DMGDH: variants seen among roughly 807,000 people sequenced by gnomAD.
DMGDH encodes dimethylglycine dehydrogenase, mitochondrial.
A neutral mutation model predicts 95.2 loss-of-function variants in DMGDH; 76 were observed. The observed-to-expected ratio is 0.80, with a 90% CI of 0.66 to 0.97. The LOEUF is 0.97. Ranked by LOEUF, DMGDH falls within the 50% of genes least tolerant of loss-of-function variation. The pLI is 0.00. For synonymous variants in DMGDH, 345 were observed against 377.6 expected, an observed-to-expected ratio of 0.91 and a Z score of 1.00; for missense variants, 987 against 1,055.0, an observed-to-expected ratio of 0.94 and a Z score of 0.89.
At chr5:79,064,521 A>T (rs1755313464) in intron 1 of DMGDH, among the ~76,000 whole-genome samples, 1 of 152,190 alleles carries the variant, frequency 6.6e-6, no homozygotes, top group South Asian at 2.1e-4. Flanking sequence ...TCAACACTGT[A>T]CATTTAGGCT....
intron 1 of DMGDH, among the ~76,000 whole-genome samples, chr5:79,066,829 T>C (rs1053581628): frequency 2.6e-5 from 4 of 152,196 alleles, no homozygotes; most frequent in African/African-American, 9.7e-5. Context: ...AAAGCTACCA[T>C]TTTTTCCTTT....
At chr5:79,063,049 G>A (rs190413624) in intron 2 of DMGDH, among the ~76,000 whole-genome samples, 49 of 151,988 alleles carry the variant, frequency 3.2e-4, no homozygotes, top group African/African-American at 1.1e-3. Flanking sequence ...CCGAGATCGC[G>A]CCATTGCACT....
In DMGDH at chr5:78,997,911, T is replaced by G; in HGVS notation, c.*171A>C. 1 of 670,860 alleles carries G rather than the reference T, an allele frequency of 1.5e-6. No individual in the cohort carries two copies. The highest frequency in any genetic ancestry group is 2.5e-6 in the Non-Finnish European group (1 of 393,430). The allele number at this position is 670,860 out of a possible 1,614,324, so 41.6% of individuals were successfully genotyped here. On this transcript the variant is annotated 3_prime_UTR_variant, in exon 16 of 16. Coordinates refer to ENST00000255189, the MANE Select transcript of DMGDH (RefSeq NM_013391.3). ...AATGTAAATCATTTATCTATTATTC[T>G]GTCTTGCTTAGAAAACACTTAACAG...
intron 7 of DMGDH, among the ~76,000 whole-genome samples, chr5:79,036,681 G>A (rs1238907665): frequency 6.6e-6 from 1 of 152,126 alleles, no homozygotes; most frequent in Non-Finnish European, 1.5e-5. Flanking sequence ...TGAACTGGCT[G>A]TACCAAGAAT....
At chr5:78,999,834 A>AG (rs1753423653) in intron 15 of DMGDH, among the ~76,000 whole-genome samples, 2 of 151,662 alleles carry the variant, frequency 1.3e-5, no homozygotes, top group South Asian at 4.2e-4. Flanking sequence ...GGCAGGGATT[A>AG]GGGTCAGAGA....
chr5:79,021,271 T>G, intron 14 of DMGDH: 1 of 1,053,626 alleles, frequency 9.5e-7, no homozygotes. Context: ...GCTAAGAACG[T>G]ATCCCTACAG....
intron 13 of DMGDH, 125 bp from the exon 14 acceptor site, chr5:79,024,455 C>A: frequency 1.1e-6 from 1 of 923,732 alleles, no homozygotes. Context: ...TAAAGAAAGG[C>A]AAACTATAGA....
intron 6 of DMGDH, among the ~76,000 whole-genome samples, chr5:79,043,111 C>G (rs760998280): frequency 1.3e-5 from 2 of 152,128 alleles, no homozygotes; most frequent in Non-Finnish European, 2.9e-5. Flanking sequence ...AAGAATGTCT[C>G]TACCAACACT....
chr5:79,049,844 T>C (rs7710133), intron 5 of DMGDH, among the ~76,000 whole-genome samples: 70,179 of 152,044 alleles, frequency 0.46, 17,221 homozygotes, highest in East Asian at 0.64. Flanking sequence ...AAGCATGAGA[T>C]TTTATGGCTT....
rs748724858 is a variant in DMGDH, at chr5:79,058,951, T to C, written c.277-3043A>G. Among the ~76,000 whole-genome samples, 7 of 152,338 alleles carry C rather than the reference T, an allele frequency of 4.6e-5. No homozygotes were observed. The South Asian group carries it at 8.3e-4, about 18-fold the overall frequency. Reference sequence around the variant, plus strand: ...CTACCTCAAAAAGTCCAGTGACTGATGTCAAACCATCCTATATTCCAGTGG... The same window carrying C: ...CTACCTCAAAAAGTCCAGTGACTGACGTCAAACCATCCTATATTCCAGTGG... On this transcript the variant is annotated intron_variant, in intron 2 of 15. Transcript: ENST00000255189.
intron 14 of DMGDH, among the ~76,000 whole-genome samples, chr5:79,007,274 G>GTATTTTTT (rs1442938927): frequency 6.6e-6 from 1 of 152,188 alleles, no homozygotes; most frequent in East Asian, 1.9e-4. Flanking sequence ...AGCTGTGGAG[G>GTATTTTTT]TCCACTTACA....
At chr5:79,053,075 T>C (rs890686284) in intron 4 of DMGDH, among the ~76,000 whole-genome samples, 5 of 150,142 alleles carry the variant, frequency 3.3e-5, no homozygotes, top group African/African-American at 1.0e-4. Flanking sequence ...GGGCTCACTA[T>C]GTAAACTGTC....
chr5:79,061,908 C>G (rs1326771274), intron 2 of DMGDH, among the ~76,000 whole-genome samples: 1 of 151,932 alleles, frequency 6.6e-6, no homozygotes, highest in Non-Finnish European at 1.5e-5. Context: ...GACCCTGTCT[C>G]AAAAAATAAT....
intron 2 of DMGDH, among the ~76,000 whole-genome samples, chr5:79,058,652 GA>G (rs1206706292): frequency 2.0e-5 from 3 of 152,194 alleles, no homozygotes; most frequent in Admixed American, 6.5e-5. Context: ...AGCTGGTAGA[GA>G]AGATAAGGAA....
At chr5:79,001,351 C>T (rs189030841) in intron 15 of DMGDH, among the ~76,000 whole-genome samples, 15 of 152,224 alleles carry the variant, frequency 9.9e-5, no homozygotes, top group Admixed American at 2.6e-4. Flanking sequence ...TTAGTAGAGA[C>T]GGGGTTTCAC....
chr5:79,066,741 G>T (rs1286807168), intron 1 of DMGDH, among the ~76,000 whole-genome samples: 1 of 152,180 alleles, frequency 6.6e-6, no homozygotes, highest in African/African-American at 2.4e-5. Context: ...AGAAGCGTAT[G>T]ATGTTGGTTT....
rs574206368 is a variant in DMGDH, at chr5:79,050,886, G to A, written c.745+401C>T. Among the ~76,000 whole-genome samples, 3 of 152,316 alleles carry A rather than the reference G, an allele frequency of 2.0e-5. No homozygotes were observed. The South Asian group carries it at 6.2e-4, about 32-fold the overall frequency. ...GAGTCAAAAGTCATCAGAAATGGATGAGAGAGAACCCAAATGATCAAATCT... is the reference window on the plus strand; with the variant it reads ...GAGTCAAAAGTCATCAGAAATGGATAAGAGAGAACCCAAATGATCAAATCT... On this transcript the variant is annotated intron_variant, in intron 5 of 15. Coordinates refer to ENST00000255189, the MANE Select transcript of DMGDH (RefSeq NM_013391.3).
At chr5:79,019,842 A>G (rs533936972) in intron 14 of DMGDH, among the ~76,000 whole-genome samples, 1 of 152,202 alleles carries the variant, frequency 6.6e-6, no homozygotes, top group East Asian at 1.9e-4. Flanking sequence ...CCAAAATTGC[A>G]CCACTGCACT....
chr5:79,055,486 TC>T (rs1375158940), intron 3 of DMGDH, among the ~76,000 whole-genome samples: 2 of 152,228 alleles, frequency 1.3e-5, no homozygotes, highest in Non-Finnish European at 2.9e-5. Context: ...TATCGTCAGA[TC>T]CTTTGCAATG....
Sources: gnomAD v4.1 joint callset for allele counts (sites outside exome capture counted in the v4.1 genomes callset) on GRCh38, gnomAD v4.1.1 for gene constraint, MANE v1.5 for transcripts, NCBI Gene and HGNC (gene_info 2026-07-23, HGNC 2026-07-21) for gene names.